Variants in CTDNEP1 observed in about 807,000 individuals in gnomAD.
The protein encoded by CTDNEP1 is C-terminal domain nuclear envelope phosphatase 1.
A neutral mutation model predicts 30.1 loss-of-function variants in CTDNEP1; 3 were observed. That is an observed-to-expected ratio of 0.10 (90% CI 0.05 to 0.26). The LOEUF is 0.26. CTDNEP1 is among the 10% of genes least tolerant of loss of function. CTDNEP1 has a pLI of 1.00. For synonymous variants in CTDNEP1, 123 were observed against 118.8 expected, an observed-to-expected ratio of 1.04 and a Z score of -0.23; for missense variants, 158 against 310.4, an observed-to-expected ratio of 0.51 and a Z score of 3.69.
intron 6 of CTDNEP1, 43 bp from the exon 7 acceptor site, chr17:7,244,678 G>A (rs1329773669): frequency 1.4e-6 from 2 of 1,411,324 alleles, no homozygotes; most frequent in Non-Finnish European, 1.9e-6. Flanking sequence ...CAGAATTCAA[G>A]AGAGACGGTG....
intron 6 of CTDNEP1, among the ~76,000 whole-genome samples, chr17:7,245,788 G>A (rs2071829327): frequency 2.6e-5 from 4 of 152,080 alleles, no homozygotes; most frequent in South Asian, 2.1e-4. Flanking sequence ...ATAATCCACC[G>A]TGCCCAGCCA....
At chr17:7,248,576 C>G (rs1456221682) in intron 1 of CTDNEP1, among the ~76,000 whole-genome samples, 1 of 151,908 alleles carries the variant, frequency 6.6e-6, no homozygotes, top group Non-Finnish European at 1.5e-5. Context: ...CCAGGCTGGT[C>G]TTGAGCTCCT....
chr17:7,245,734 G>A (rs567313571), intron 6 of CTDNEP1, among the ~76,000 whole-genome samples: 22 of 151,960 alleles, frequency 1.4e-4, no homozygotes, highest in African/African-American at 5.3e-4. Flanking sequence ...TTCTGACCTC[G>A]TGATCCGCCT....
At chr17:7,247,396 G>C in intron 1 of CTDNEP1, 53 bp from the exon 2 acceptor site, 6 of 1,335,040 alleles carry the variant, frequency 4.5e-6, no homozygotes, top group South Asian at 1.2e-5. Context: ...GCCTTCCCCA[G>C]TAACAGTAAC....
At chr17:7,249,391 G>A (rs1237370087) in intron 1 of CTDNEP1, among the ~76,000 whole-genome samples, 2 of 152,134 alleles carry the variant, frequency 1.3e-5, no homozygotes, top group Non-Finnish European at 2.9e-5. Context: ...TTGCTATCTC[G>A]GGTTGCATAT....
At chr17:7,247,235 C>T (rs1289951889) in intron 2 of CTDNEP1, 42 bp downstream of exon 2, 4 of 1,609,660 alleles carry the variant, frequency 2.5e-6, no homozygotes, top group Non-Finnish European at 3.4e-6. Context: ...CCAGAGCTAG[C>T]CCCTACTTCA....
rs574048238 is a variant in CTDNEP1 at position 7,246,377 on chromosome 17, T to C, written c.361-7A>G. 5.6e-6 allele frequency: 9 copies of C among 1,600,196 alleles called. No individual in the cohort carries two copies. The African/African-American group carries it at 8.0e-5, about 14-fold the overall frequency. The stretch of plus-strand genomic sequence containing the variant: ...GCTCGTACCACTGGCTCACCTGAAA[T>C]AGATTGGGGGAGAGGGCGATGCCAT... On this transcript the variant is annotated splice_region_variant and splice_polypyrimidine_tract_variant and intron_variant, in intron 4 of 7. Coordinates refer to ENST00000574322, the MANE Select transcript of CTDNEP1 (RefSeq NM_001143775.2). The surrounding 1 kb of genome is among the most constrained non-coding windows in gnomAD (Gnocchi z 4.9).
rs1318993130 is a variant in CTDNEP1 at position 7,244,604 on chromosome 17, A to G, written c.621T>C (p.Ser207=). The G allele has an allele frequency of 1.9e-6, 3 of 1,613,098 alleles. No individual in the cohort carries two copies. In the African/African-American group the frequency reaches 4.0e-5, roughly 22 times the overall value. Residue 207 remains serine (S), a synonymous_variant, in exon 7 of 8, where the codon AGT becomes AGC. Coordinates refer to ENST00000574322, the MANE Select transcript of CTDNEP1 (RefSeq NM_001143775.2). ...TGAGAAGGGCTGTGTCGCTGGGGTC[A>G]CTGAACCAGGATTTGATGGGGATGG... ...DNAIPIKSWF[S]DPSDTALLNL...
chr17:7,244,128 C>G lies in CTDNEP1; in HGVS notation c.*57G>C. ...TTGGACAGGGCATCAGACGGCATCCCAAGGGCTCGCCCTCCCTTTCCCCCC... is the reference window on the plus strand; with the variant it reads ...TTGGACAGGGCATCAGACGGCATCCGAAGGGCTCGCCCTCCCTTTCCCCCC... On this transcript the variant is annotated 3_prime_UTR_variant, in exon 8 of 8. Transcript: ENST00000574322. 4.3e-6 allele frequency: 7 copies of G among 1,609,648 alleles called. No individual in the cohort carries two copies. The highest frequency in any genetic ancestry group is 5.9e-6 in the Non-Finnish European group (7 of 1,178,154).
rs1386805593 is a variant in CTDNEP1, at chr17:7,244,668, C to T, written c.590-33G>A. On this transcript the variant is annotated intron_variant, in intron 6 of 7. Coordinates refer to ENST00000574322, the MANE Select transcript of CTDNEP1 (RefSeq NM_001143775.2). ...GGGTGAAAATGCAGATGAGAAGAAA[C>T]AGAATTCAAGAGAGACGGTGTTTTT... 3.4e-6 allele frequency: 5 copies of T among 1,483,574 alleles called. No homozygotes were observed. In the East Asian group the frequency reaches 6.9e-5, roughly 20 times the overall value. 91.9% of individuals were successfully genotyped at this position (1,483,574 alleles called of 1,614,324 possible).
Position 7,244,200 on chromosome 17 carries a change from T to C in CTDNEP1, c.720A>G (p.Gln240=), listed in dbSNP as rs374949545. The C allele has an allele frequency of 9.2e-5, 148 of 1,613,980 alleles. No individual in the cohort carries two copies. The highest frequency in any genetic ancestry group is 1.1e-4 in the Non-Finnish European group (133 of 1,179,968). Residue 240 remains glutamine (Q), a synonymous_variant, in exon 8 of 8, where the codon CAA becomes CAG. Coordinates refer to ENST00000574322, the MANE Select transcript of CTDNEP1 (RefSeq NM_001143775.2). ...VRSVLSRNLH[Q]HRLW ...GGAGCAGCTGTCACCAGAGCCGATG[T>C]TGGTGAAGGTTTCGGCTCAGCACGG... is the stretch of plus-strand genomic sequence containing the variant.
In CTDNEP1 at chr17:7,244,492, G is replaced by A. The variant is rs2071813034; in HGVS notation, c.674+59C>T. On this transcript the variant is annotated intron_variant, in intron 7 of 7. Transcript: ENST00000574322. The stretch of plus-strand genomic sequence containing the variant: ...GACAAACCTTTTTTATTCCCTCTGA[G>A]GATCCCCCACCTCCTCCTTTCTTGA... 6 of 1,469,766 alleles carry A rather than the reference G, an allele frequency of 4.1e-6. No individual in the cohort carries two copies. The South Asian group carries it at 6.8e-5, about 17-fold the overall frequency. 91.0% of individuals were successfully genotyped at this position (1,469,766 alleles called of 1,614,324 possible).
rs770721055 is a variant in CTDNEP1, at chr17:7,247,075, A to T, written c.277T>A (p.Phe93Ile). The change falls in exon 3 of 8, where the codon TTC becomes ATC. Residue 93 changes from phenylalanine (F) to isoleucine (I), a missense_variant. Physicochemically the swap from Phe to Ile is conservative, Grantham distance 21. Coordinates refer to ENST00000574322, the MANE Select transcript of CTDNEP1 (RefSeq NM_001143775.2). ...PTVRPGTPPD[F>I]ILKVVIDKHP... The stretch of plus-strand genomic sequence containing the variant: ...CCACCACCACACACCTTGAGGATGA[A>T]GTCAGGAGGCGTACCAGGCCGGACT... 6.2e-7 allele frequency: 1 copy of T among 1,611,010 alleles called. No individual in the cohort carries two copies. Among genetic ancestry groups the T allele is most frequent in the Non-Finnish European group, 8.5e-7 (1 of 1,178,554 alleles).
chr17:7,244,390 T>A, intron 7 of CTDNEP1, 145 bp from the exon 8 acceptor site: 1 of 1,191,662 alleles, frequency 8.4e-7, no homozygotes, highest in Middle Eastern at 2.0e-4. Context: ...CACAGCCTAC[T>A]AGCTAAAGTG....
rs542958872 is a variant in CTDNEP1, at chr17:7,245,337, C to T, written c.589+689G>A. On this transcript the variant is annotated intron_variant, in intron 6 of 7. Transcript: ENST00000574322. ...AAAATTAGCTGGGCATGGTGGTGCA[C>T]GCCTGTAGTCCCAACTACTGAGAGG... Among the ~76,000 whole-genome samples the T allele has an allele frequency of 2.1e-4, 32 of 151,072 alleles. No individual in the cohort carries two copies. In the South Asian group the frequency reaches 2.9e-3, roughly 14 times the overall value.
At chr17:7,247,840 A>G (rs1018874090) in intron 1 of CTDNEP1, among the ~76,000 whole-genome samples, 5 of 152,156 alleles carry the variant, frequency 3.3e-5, no homozygotes, top group Non-Finnish European at 4.4e-5. Context: ...CTGAGGCCAC[A>G]CAGCTAGGAA....
At chr17:7,245,119 C>T (rs1395525468) in intron 6 of CTDNEP1, among the ~76,000 whole-genome samples, 2 of 152,098 alleles carry the variant, frequency 1.3e-5, no homozygotes, top group African/African-American at 2.4e-5. Flanking sequence ...GGTGAAACTC[C>T]GTCGCTACTA....
rs561380670 is a variant in CTDNEP1, at chr17:7,248,469, C to G, written c.103-1126G>C. On this transcript the variant is annotated intron_variant, in intron 1 of 7. Transcript: ENST00000574322. ...CCACCTCCCAGGTTCAAGCAATTCT[C>G]CTGCCTCAGCCTCCTAAGCAGCTGG... is the stretch of plus-strand genomic sequence containing the variant. Among the ~76,000 whole-genome samples, 138 of 149,794 alleles carry G rather than the reference C, an allele frequency of 9.2e-4. 1 individual carries two copies. Among genetic ancestry groups the G allele is most frequent in the East Asian group, 1.0e-3 (5 of 4,938 alleles).
At position 7,243,947 on chromosome 17, in the gene CTDNEP1, C is replaced by G; in HGVS notation, c.*238G>C. 1 of 1,361,796 alleles carries G rather than the reference C, an allele frequency of 7.3e-7. No individual in the cohort carries two copies. Among genetic ancestry groups the G allele is most frequent in the South Asian group, 1.6e-5 (1 of 60,750 alleles). The allele number at this position is 1,361,796 out of a possible 1,614,324, so 84.4% of individuals were successfully genotyped here. On this transcript the variant is annotated 3_prime_UTR_variant, in exon 8 of 8. Coordinates refer to ENST00000574322, the MANE Select transcript of CTDNEP1 (RefSeq NM_001143775.2). ...GCTCTCCTAGGCTTCCGCCTGTGTC[C>G]CAGTCTGGGGTTTCCATGGAGTGTG...
Sources: allele counts gnomAD v4.1 joint callset (sites outside exome capture counted in the v4.1 genomes callset), GRCh38; gene constraint gnomAD v4.1.1; non-coding constraint Gnocchi (gnomAD v3.1); transcripts MANE v1.5; gene names NCBI Gene and HGNC (gene_info 2026-07-23, HGNC 2026-07-21).